The following ROBO2 variants were observed in gnomAD, a reference collection of about 807,000 sequenced individuals.
The protein encoded by ROBO2 is roundabout homolog 2.
In ROBO2, 53 loss-of-function variants were observed where a neutral mutation model predicts 160.8. The observed-to-expected ratio is 0.33, with a 90% CI of 0.26 to 0.41. ROBO2 has a LOEUF of 0.41. Among genes scored for constraint, ROBO2 ranks in the 10% least tolerant of loss-of-function variants. ROBO2 has a pLI of 1.00. For synonymous variants in ROBO2, 664 were observed against 611.7 expected (o/e 1.09, Z -1.26); for missense variants, 1,577 against 1,722.4 (o/e 0.92, Z 1.49).
At chr3:77,158,032 C>A (rs1348679892) in intron 2 of ROBO2, among the ~76,000 whole-genome samples, 1 of 152,058 alleles carries the variant, frequency 6.6e-6, no homozygotes. Flanking sequence ...TGAAATGAAT[C>A]TAATCTCATT....
chr3:76,310,726 C>A (rs929693002), intron 2 of ROBO2, among the ~76,000 whole-genome samples: 26 of 152,272 alleles, frequency 1.7e-4, no homozygotes, highest in African/African-American at 6.0e-4. Flanking sequence ...TTTGCTCAGC[C>A]CTTAATATTC....
chr3:75,999,980 A>C (rs2107556402), intron 2 of ROBO2, among the ~76,000 whole-genome samples: 1 of 152,330 alleles, frequency 6.6e-6, no homozygotes, highest in South Asian at 2.1e-4. Context: ...AATAAAAGAA[A>C]TATTTATAAG....
intron 2 of ROBO2, among the ~76,000 whole-genome samples, chr3:77,273,698 G>A (rs894063604): frequency 2.5e-4 from 38 of 152,128 alleles, no homozygotes; most frequent in Admixed American, 6.5e-5. Flanking sequence ...ATGACTATAT[G>A]CTTAATGGTT....
chr3:77,156,918 G>A (rs954116015), intron 2 of ROBO2, among the ~76,000 whole-genome samples: 2 of 151,846 alleles, frequency 1.3e-5, no homozygotes, highest in South Asian at 4.1e-4. Flanking sequence ...TGTTCCCAAA[G>A]TTTGGTCCCC....
At chr3:77,201,976 A>G (rs1579930006) in intron 2 of ROBO2, among the ~76,000 whole-genome samples, 1 of 152,144 alleles carries the variant, frequency 6.6e-6, no homozygotes. Context: ...CATTTAGATT[A>G]CTCACAAATT....
intron 1 of ROBO2, among the ~76,000 whole-genome samples, chr3:77,045,590 C>T (rs527531284): frequency 7.9e-5 from 12 of 152,270 alleles, no homozygotes; most frequent in African/African-American, 2.6e-4. Flanking sequence ...TCTAGCCATT[C>T]CCATCACAGT....
intron 2 of ROBO2, among the ~76,000 whole-genome samples, chr3:75,943,397 A>G (rs62269830): frequency 6.6e-6 from 1 of 152,180 alleles, no homozygotes; most frequent in Non-Finnish European, 1.5e-5. Flanking sequence ...ATCCCAAGTG[A>G]TATAACTATT....
At chr3:76,919,150 A>C (rs924184816) in intron 2 of ROBO2, among the ~76,000 whole-genome samples, 1 of 152,174 alleles carries the variant, frequency 6.6e-6, no homozygotes, top group Admixed American at 6.5e-5. Context: ...TTACCTGTGT[A>C]ACAAACCTGC....
chr3:76,812,500 T>TA (rs946126957), intron 2 of ROBO2, among the ~76,000 whole-genome samples: 1 of 149,658 alleles, frequency 6.7e-6, no homozygotes, highest in Admixed American at 6.7e-5. Flanking sequence ...TGCCTTAATT[T>TA]AAAAAAAAAG....
intron 2 of ROBO2, among the ~76,000 whole-genome samples, chr3:76,262,746 TC>T (rs1436291563): frequency 6.6e-6 from 1 of 152,116 alleles, no homozygotes; most frequent in African/African-American, 2.4e-5. Flanking sequence ...CTCAGATGTT[TC>T]CAGGGGTCAT....
At chr3:76,872,345 A>G (rs11925855) in intron 2 of ROBO2, among the ~76,000 whole-genome samples, 4,124 of 152,264 alleles carry the variant, frequency 0.027, 111 homozygotes, top group East Asian at 0.11. Flanking sequence ...TATAAAAAAT[A>G]CAGAAAACAT....
intron 2 of ROBO2, among the ~76,000 whole-genome samples, chr3:76,317,697 C>G (rs2072155596): frequency 6.6e-6 from 1 of 152,142 alleles, no homozygotes; most frequent in Non-Finnish European, 1.5e-5. Context: ...GTCTGAAAAA[C>G]ATGTTTTTTC....
At chr3:77,049,538 T>C (rs145514356) in intron 1 of ROBO2, among the ~76,000 whole-genome samples, 1 of 152,330 alleles carries the variant, frequency 6.6e-6, no homozygotes, top group East Asian at 1.9e-4. Context: ...TGACCAGTGG[T>C]ACTTAGGCTT....
chr3:76,566,312 G>A (rs780992239), intron 2 of ROBO2, among the ~76,000 whole-genome samples: 6 of 152,108 alleles, frequency 3.9e-5, no homozygotes, highest in African/African-American at 9.7e-5. Flanking sequence ...GAATCATCTG[G>A]GCTGTGAAGA....
intron 2 of ROBO2, among the ~76,000 whole-genome samples, chr3:76,666,117 A>C (rs193167364): frequency 2.8e-3 from 414 of 150,152 alleles, no homozygotes; most frequent in African/African-American, 9.8e-3. Context: ...ATAGCTGTAA[A>C]TATAGCTATT....
intron 2 of ROBO2, among the ~76,000 whole-genome samples, chr3:77,178,884 C>T (rs1194525816): frequency 6.6e-6 from 1 of 151,914 alleles, no homozygotes; most frequent in Non-Finnish European, 1.5e-5. Context: ...GCTGTTCTCT[C>T]TAGTCTTAGT....
At chr3:76,083,788 C>T (rs909846872) in intron 2 of ROBO2, among the ~76,000 whole-genome samples, 3 of 152,040 alleles carry the variant, frequency 2.0e-5, no homozygotes, top group East Asian at 1.9e-4. Flanking sequence ...AATTGAATAG[C>T]GTGTAGACTT....
intron 2 of ROBO2, among the ~76,000 whole-genome samples, chr3:76,681,777 G>A (rs2106939505): frequency 6.6e-6 from 1 of 152,032 alleles, no homozygotes; most frequent in Middle Eastern, 3.4e-3. Context: ...ATAATTGCAG[G>A]TGAGATTTTG....
At chr3:76,311,696 A>T (rs2071598195) in intron 2 of ROBO2, among the ~76,000 whole-genome samples, 1 of 152,210 alleles carries the variant, frequency 6.6e-6, no homozygotes. Context: ...CTCTAGTGCA[A>T]GAATATATGT....
Sources: allele counts gnomAD v4.1 joint callset (sites outside exome capture counted in the v4.1 genomes callset), GRCh38; gene constraint gnomAD v4.1.1; transcripts MANE v1.5; gene names NCBI Gene and HGNC (gene_info 2026-07-23, HGNC 2026-07-21).